PARP6: variants seen among roughly 807,000 people sequenced by gnomAD.
The protein encoded by PARP6 is protein mono-ADP-ribosyltransferase PARP6.
In PARP6, 27 loss-of-function variants were observed where a neutral mutation model predicts 92.0. The ratio of observed to expected loss-of-function variants is 0.29; its 90% CI spans 0.22 to 0.40. The LOEUF (loss-of-function observed/expected upper bound fraction) is 0.40. Ranked by LOEUF, PARP6 falls within the 10% of genes least tolerant of loss-of-function variation. The pLI is 1.00. For synonymous variants in PARP6, 272 were observed against 281.2 expected, an observed-to-expected ratio of 0.97 and a Z score of 0.33; for missense variants, 501 against 784.5, an observed-to-expected ratio of 0.64 and a Z score of 4.32.
intron 8 of PARP6, among the ~76,000 whole-genome samples, chr15:72,262,364 C>T (rs1351258156): frequency 6.6e-6 from 1 of 152,204 alleles, no homozygotes; most frequent in Non-Finnish European, 1.5e-5. Context: ...ATAAAATCTA[C>T]TTACATTTCC....
intron 14 of PARP6, 40 bp downstream of exon 14, chr15:72,256,425 C>T: frequency 6.9e-7 from 1 of 1,458,866 alleles, no homozygotes; most frequent in Non-Finnish European, 9.1e-7. Context: ...TATCTTTTAT[C>T]ATTTCTGTTC....
rs1311264378 is a variant in PARP6, at chr15:72,242,320, T to C, written c.1642-100A>G. 2.1e-6 allele frequency: 2 copies of C among 936,442 alleles called. No homozygotes were observed. The highest frequency in any genetic ancestry group is 2.5e-5 in the East Asian group (1 of 40,448). The allele number at this position is 936,442 out of a possible 1,614,324, so 58.0% of individuals were successfully genotyped here. On this transcript the variant is annotated intron_variant, in intron 21 of 23. Transcript: ENST00000569795. The surrounding 1 kb of genome is among the most constrained non-coding windows in gnomAD (Gnocchi z 4.3). ...GATGATTGGGAGTGGGGATCAGAGA[T>C]ATCCTGGGCTCCCAGCAACACCCCT...
rs1038018478 is a variant in PARP6 at position 72,255,029 on chromosome 15, C to G, written c.1126-509G>C. Reference sequence around the variant, plus strand: ...AATTGTCCTCCCTAATGTGGAAGGGCCTTATCCAATCAATCGATGACCTAA... The same window carrying G: ...AATTGTCCTCCCTAATGTGGAAGGGGCTTATCCAATCAATCGATGACCTAA... On this transcript the variant is annotated intron_variant, in intron 14 of 23. Coordinates refer to ENST00000569795, the MANE Select transcript of PARP6 (RefSeq NM_001323532.2). 2.0e-5 allele frequency among the ~76,000 whole-genome samples: 3 copies of G among 152,056 alleles called. No homozygotes were observed. In the East Asian group the frequency reaches 5.8e-4, roughly 29 times the overall value.
At position 72,241,250 on chromosome 15, in the gene PARP6, G is replaced by T. The variant is rs1365376442; in HGVS notation, c.*205C>A. ...GGGTGAAGTCAAAGGGAAAGTCAGG[G>T]GATGGAGTCAGTCTGGGCCATCCGA... On this transcript the variant is annotated 3_prime_UTR_variant, in exon 24 of 24. Coordinates refer to ENST00000569795, the MANE Select transcript of PARP6 (RefSeq NM_001323532.2). The surrounding 1 kb of genome is among the most constrained non-coding windows in gnomAD (Gnocchi z 4.1). 4 of 681,584 alleles carry T rather than the reference G, an allele frequency of 5.9e-6. No homozygotes were observed. Among genetic ancestry groups the T allele is most frequent in the African/African-American group, 1.8e-5 (1 of 56,730 alleles). 42.2% of individuals were successfully genotyped at this position (681,584 alleles called of 1,614,324 possible). A position where few individuals can be genotyped will look rare whatever the true frequency, so the allele number is the denominator to read the frequency against.
At position 72,251,735 on chromosome 15, in the gene PARP6, A is replaced by T. The variant is rs145378186; in HGVS notation, c.1260-480T>A. Among the ~76,000 whole-genome samples, 262 of 152,338 alleles carry T rather than the reference A, an allele frequency of 1.7e-3. 2 individuals carry two copies. Among genetic ancestry groups the T allele is most frequent in the Admixed American group, 3.1e-3 (48 of 15,304 alleles). On this transcript the variant is annotated intron_variant, in intron 16 of 23. Coordinates refer to ENST00000569795, the MANE Select transcript of PARP6 (RefSeq NM_001323532.2). Reference sequence around the variant, plus strand: ...TGAAAGCTCTCAGGAATGGGGAGAAACGGAGAGAAAGTTACTGTCTAGGCT... The same window carrying T: ...TGAAAGCTCTCAGGAATGGGGAGAATCGGAGAGAAAGTTACTGTCTAGGCT...
chr15:72,242,473 G>A lies in PARP6; in HGVS notation c.1641+147C>T, dbSNP rs1460529566. The A allele has an allele frequency of 8.9e-6, 6 of 675,950 alleles. No individual in the cohort carries two copies. The highest frequency in any genetic ancestry group is 1.1e-5 in the Non-Finnish European group (4 of 377,752). The allele number at this position is 675,950 out of a possible 1,614,324, so 41.9% of individuals were successfully genotyped here. ...ACTTCAGCTACATATGACTCCAGAC[G>A]TGTGTTCACTTTAGAACATACCTGA... On this transcript the variant is annotated intron_variant, in intron 21 of 23. Coordinates refer to ENST00000569795, the MANE Select transcript of PARP6 (RefSeq NM_001323532.2). This position sits in a 1 kb window ranked among gnomAD's most constrained non-coding sequence, Gnocchi z 4.3.
intron 10 of PARP6, 39 bp downstream of exon 10, chr15:72,260,439 C>T: frequency 6.5e-7 from 1 of 1,537,352 alleles, no homozygotes; most frequent in Non-Finnish European, 9.0e-7. Flanking sequence ...CACTCCCACC[C>T]TCCTGATAGC....
intron 3 of PARP6, 144 bp from the exon 4 acceptor site, chr15:72,266,966 A>C: frequency 1.5e-6 from 1 of 652,924 alleles, no homozygotes; most frequent in Non-Finnish European, 2.8e-6. Context: ...TACACCTTTC[A>C]TGTCACCCTT....
At position 72,242,943 on chromosome 15, in the gene PARP6, T is replaced by C. The variant is rs2083221078; in HGVS notation, c.1562-244A>G. On this transcript the variant is annotated intron_variant, in intron 20 of 23. Transcript: ENST00000569795. This position sits in a 1 kb window ranked among gnomAD's most constrained non-coding sequence, Gnocchi z 4.3. ...TGAGCCTAGAGGAGGGCAACTAGCC[T>C]AGCCTAAGAGTTTAAAGAAGTCATG... The C allele has an allele frequency of 3.2e-5, 15 of 475,582 alleles. No homozygotes were observed. 29.5% of individuals were successfully genotyped at this position (475,582 alleles called of 1,614,324 possible).
chr15:72,263,588 C>T (rs961288570), intron 8 of PARP6, among the ~76,000 whole-genome samples: 3 of 152,084 alleles, frequency 2.0e-5, no homozygotes, highest in Admixed American at 6.6e-5. Context: ...GGCTCCTACA[C>T]CCCCAGCTTG....
Position 72,258,722 on chromosome 15 carries a change from G to A in PARP6, c.811-590C>T, listed in dbSNP as rs545772601. ...AGCTAATGCAGCAATATCCTACAGC[G>A]TTTTTTTTGTTGTTGTTGTTTGTTT... On this transcript the variant is annotated intron_variant, in intron 11 of 23. Transcript: ENST00000569795. Among the ~76,000 whole-genome samples the A allele has an allele frequency of 4.6e-5, 7 of 151,908 alleles. No homozygotes were observed. In the South Asian group the frequency reaches 1.2e-3, roughly 27 times the overall value.
chr15:72,241,761 G>A lies in PARP6; in HGVS notation c.1790+140C>T. ...CTATACCCATTCCCATCCTCCAATG[G>A]TAAAGTCCCAGTGACAGCTCCACTC... On this transcript the variant is annotated intron_variant, in intron 23 of 23. Transcript: ENST00000569795. The surrounding 1 kb of genome is among the most constrained non-coding windows in gnomAD (Gnocchi z 4.1). 1.3e-6 allele frequency: 1 copy of A among 784,008 alleles called. No homozygotes were observed. The highest frequency in any genetic ancestry group is 2.2e-6 in the Non-Finnish European group (1 of 455,470). 48.6% of individuals were successfully genotyped at this position (784,008 alleles called of 1,614,324 possible). A position where few individuals can be genotyped will look rare whatever the true frequency, so the allele number is the denominator to read the frequency against.
chr15:72,264,405 TA>T, intron 8 of PARP6, 149 bp downstream of exon 8: 2 of 632,152 alleles, frequency 3.2e-6, no homozygotes, highest in South Asian at 3.9e-5. Context: ...TCTGGCTCCC[TA>T]AATTTATTTT....
At position 72,260,492 on chromosome 15, in the gene PARP6, G is replaced by A. The variant is rs367714332; in HGVS notation, c.742C>T (p.Arg248Trp). 33 of 1,613,840 alleles carry A rather than the reference G, an allele frequency of 2.0e-5. No individual in the cohort carries two copies. Among genetic ancestry groups the A allele is most frequent in the Non-Finnish European group, 2.3e-5 (27 of 1,179,836 alleles). The change falls in exon 10 of 24, where the codon CGG (arginine) becomes TGG (tryptophan). Residue 248 changes from arginine to tryptophan, a missense_variant. Transcript: ENST00000569795. ...AGCCCATGTACCAAAGGAGAGGTCC[G>A]TGCTGGGGGAGGGAGGCCCACGTGC... is the stretch of plus-strand genomic sequence containing the variant. ...PQHVGLPPPARTSPLVSGHCK... is the reference protein window; with the variant it reads ...PQHVGLPPPAWTSPLVSGHCK...
intron 1 of PARP6, among the ~76,000 whole-genome samples, chr15:72,271,845 T>C (rs1263013713): frequency 2.0e-5 from 3 of 152,222 alleles, no homozygotes; most frequent in South Asian, 4.1e-4. Flanking sequence ...GAACGCTTTA[T>C]GAGTTTCCAC....
Position 72,264,537 on chromosome 15 carries a change from A to C in PARP6, c.395+18T>G. ...CTTCCTTCACATGTCCATGACCAGA[A>C]AAGACCAAAGTTCTTACTTTTTCAA... is the stretch of plus-strand genomic sequence containing the variant. On this transcript the variant is annotated intron_variant, in intron 8 of 23. Coordinates refer to ENST00000569795, the MANE Select transcript of PARP6 (RefSeq NM_001323532.2). 6.2e-7 allele frequency: 1 copy of C among 1,604,796 alleles called. No individual in the cohort carries two copies. Among genetic ancestry groups the C allele is most frequent in the Non-Finnish European group, 8.5e-7 (1 of 1,171,832 alleles).
intron 20 of PARP6, chr15:72,244,672 G>A (rs1488315191): frequency 6.6e-6 from 1 of 152,134 alleles, no homozygotes; most frequent in African/African-American, 2.4e-5. Context: ...CAAGACAGTT[G>A]GTCAAATGCT....
At position 72,261,636 on chromosome 15, in the gene PARP6, T is replaced by C; in HGVS notation, c.467A>G (p.Lys156Arg). The change falls in exon 9 of 24, where the codon AAG becomes AGG. Residue 156 changes from lysine to arginine, a missense_variant. Around this residue, in one of 4 missense-constraint regions of PARP6, gnomAD observed 291 missense variants for 352.0 expected, o/e 0.83. Coordinates refer to ENST00000569795, the MANE Select transcript of PARP6 (RefSeq NM_001323532.2). ...SNDFLKTQQEKRHSWFKASGT... is the reference protein window; with the variant it reads ...SNDFLKTQQERRHSWFKASGT... ...ACTTGCCTTGAACCAACTGTGCCTC[T>C]TCTCCTGCTGGGTCTTCAAGAAATC... 6.2e-7 allele frequency: 1 copy of C among 1,614,070 alleles called. No individual in the cohort carries two copies. Among genetic ancestry groups the C allele is most frequent in the Non-Finnish European group, 8.5e-7 (1 of 1,179,928 alleles).
chr15:72,242,027 G>T lies in PARP6; in HGVS notation c.1706-42C>A. The T allele has an allele frequency of 1.3e-6, 2 of 1,519,622 alleles. No homozygotes were observed. The highest frequency in any genetic ancestry group is 1.8e-6 in the Non-Finnish European group (2 of 1,093,860). 94.1% of individuals were successfully genotyped at this position (1,519,622 alleles called of 1,614,324 possible). On this transcript the variant is annotated intron_variant, in intron 22 of 23. Transcript: ENST00000569795. The surrounding 1 kb of genome is among the most constrained non-coding windows in gnomAD (Gnocchi z 4.3). ...CAGAAATCATAGATACAATGCTTAA[G>T]GCACAGAGTCCAGGCAGGAGAAGGA...
Sources: gnomAD v4.1 joint callset for allele counts (sites outside exome capture counted in the v4.1 genomes callset) on GRCh38, gnomAD v4.1.1 for gene constraint, gnomAD v4.1.1 regional missense constraint, Gnocchi (gnomAD v3.1) non-coding constraint, MANE v1.5 for transcripts, NCBI Gene and HGNC (gene_info 2026-07-23, HGNC 2026-07-21) for gene names.